The following PLEKHG7 variants were observed in gnomAD, a reference collection of about 807,000 sequenced individuals.
PLEKHG7 encodes the protein pleckstrin homology and RhoGEF domain containing G7.
A neutral mutation model predicts 85.2 loss-of-function variants in PLEKHG7; 77 were observed. The ratio of observed to expected loss-of-function variants is 0.90; its 90% CI spans 0.75 to 1.09. The LOEUF is 1.09. PLEKHG7 is among the 50% of genes least tolerant of loss of function. The probability of loss-of-function intolerance (pLI) is 0.00; values close to 1 mark genes in which losing one functional copy is unlikely to be tolerated. For missense variants in PLEKHG7, 777 were observed against 804.3 expected (o/e 0.97, Z 0.41); for synonymous variants, 301 against 302.4 (o/e 1.00, Z 0.05).
chr12:92,750,027 A>ATT (rs1170350181), intron 10 of PLEKHG7, among the ~76,000 whole-genome samples: 2 of 91,564 alleles, frequency 2.2e-5, no homozygotes, highest in Admixed American at 1.1e-4. Context: ...ATTTTATTTT[A>ATT]TTATTTTATT....
intron 10 of PLEKHG7, among the ~76,000 whole-genome samples, chr12:92,746,879 T>C (rs1171879197): frequency 1.3e-5 from 2 of 151,924 alleles, no homozygotes; most frequent in African/African-American, 4.8e-5. Flanking sequence ...AAAAATCAAA[T>C]AAAAATGAAT....
intron 3 of PLEKHG7, among the ~76,000 whole-genome samples, chr12:92,716,078 G>T (rs563912628): frequency 6.7e-5 from 10 of 150,270 alleles, no homozygotes; most frequent in Admixed American, 2.6e-4. Context: ...TGGTTTTGGG[G>T]TTTTTTTGTT....
At chr12:92,739,489 T>C (rs1872283935) in intron 7 of PLEKHG7, among the ~76,000 whole-genome samples, 1 of 152,240 alleles carries the variant, frequency 6.6e-6, no homozygotes, top group African/African-American at 2.4e-5. Context: ...GCCACCTTCC[T>C]TGTCCTAAGA....
At chr12:92,717,407 C>G (rs1214257557) in intron 3 of PLEKHG7, among the ~76,000 whole-genome samples, 1 of 152,194 alleles carries the variant, frequency 6.6e-6, no homozygotes, top group Non-Finnish European at 1.5e-5. Flanking sequence ...CTACTGGAGT[C>G]AAACTCCCTG....
chr12:92,721,663 T>C (rs1871646086), intron 3 of PLEKHG7: 1 of 301,732 alleles, frequency 3.3e-6, no homozygotes, highest in South Asian at 1.5e-4. Context: ...TTCCAAAGCT[T>C]GTCCTGAAGC....
intron 11 of PLEKHG7, among the ~76,000 whole-genome samples, chr12:92,755,607 A>C (rs1017559518): frequency 6.6e-6 from 1 of 152,206 alleles, no homozygotes; most frequent in Non-Finnish European, 1.5e-5. Flanking sequence ...TACTGAATTA[A>C]ATTAGCTAAG....
At chr12:92,709,091 C>A (rs921980492) in intron 3 of PLEKHG7, among the ~76,000 whole-genome samples, 6 of 152,054 alleles carry the variant, frequency 3.9e-5, no homozygotes, top group Non-Finnish European at 8.8e-5. Flanking sequence ...AGTGTGAAAC[C>A]ATTTGATGAA....
intron 5 of PLEKHG7, among the ~76,000 whole-genome samples, chr12:92,735,843 C>CT (rs151145036): frequency 6.6e-5 from 10 of 151,928 alleles, no homozygotes; most frequent in African/African-American, 1.4e-4. Flanking sequence ...ACATTTCATG[C>CT]TTTTTTTTGT....
chr12:92,722,502 G>A (rs182936506), intron 3 of PLEKHG7, among the ~76,000 whole-genome samples: 21 of 152,266 alleles, frequency 1.4e-4, no homozygotes, highest in African/African-American at 4.8e-4. Flanking sequence ...GCATTAGTGG[G>A]TTTTGAACAC....
chr12:92,715,481 GAAAACAAAAACA>G (rs925621182), intron 3 of PLEKHG7, among the ~76,000 whole-genome samples: 1 of 151,958 alleles, frequency 6.6e-6, no homozygotes, highest in African/African-American at 2.4e-5. Flanking sequence ...AACAAGAACT[GAAAACAAAAACA>G]AAAACAAAAA....
Position 92,741,522 on chromosome 12 carries a change from G to C in PLEKHG7, c.1067G>C (p.Gly356Ala). The C allele has an allele frequency of 1.2e-6, 2 of 1,612,350 alleles. No homozygotes were observed. Among genetic ancestry groups the C allele is most frequent in the African/African-American group, 1.3e-5 (1 of 74,968 alleles). Residue 356 changes from glycine (G) to alanine (A), a missense_variant, in exon 9 of 17, where the codon GGC becomes GCC. Transcript: ENST00000344636. ...CTTGGTTTTGTGAACAGTCTCTTTG[G>C]CATCATCAAGGACTATGTAGACGCT... ...TSLGFVNSLF[G>A]IIKDYVDASE...
intron 4 of PLEKHG7, among the ~76,000 whole-genome samples, chr12:92,731,567 A>G (rs1161370148): frequency 6.6e-6 from 1 of 152,210 alleles, no homozygotes; most frequent in Non-Finnish European, 1.5e-5. Context: ...CTTTATGCAA[A>G]CAGCATAAAA....
intron 13 of PLEKHG7, among the ~76,000 whole-genome samples, chr12:92,758,447 A>G (rs911550422): frequency 1.3e-5 from 2 of 152,200 alleles, no homozygotes; most frequent in African/African-American, 2.4e-5. Context: ...CAAGGAGTCA[A>G]TTTTAGGGTT....
intron 3 of PLEKHG7, among the ~76,000 whole-genome samples, chr12:92,724,191 G>A (rs1240589883): frequency 6.6e-6 from 1 of 152,030 alleles, no homozygotes; most frequent in Non-Finnish European, 1.5e-5. Flanking sequence ...AAAACTTTCT[G>A]GCTGGATTTG....
rs184550979 is a variant in PLEKHG7, at chr12:92,741,479, C to T, written c.1036-12C>T. 1.9e-4 allele frequency: 307 copies of T among 1,594,038 alleles called. No homozygotes were observed. The African/African-American group carries it at 3.7e-3, about 19-fold the overall frequency. Reference sequence around the variant, plus strand: ...GTGTGCCTATTTTTGTTTTCTTTCTCTCTGTCCCTAGACAAGCCTTGGTTT... The same window carrying T: ...GTGTGCCTATTTTTGTTTTCTTTCTTTCTGTCCCTAGACAAGCCTTGGTTT... On this transcript the variant is annotated splice_polypyrimidine_tract_variant and intron_variant, in intron 8 of 16. Transcript: ENST00000344636.
Position 92,767,388 on chromosome 12 carries a change from G to C in PLEKHG7, c.1871-1595G>C, listed in dbSNP as rs569684448. On this transcript the variant is annotated intron_variant, in intron 15 of 16. Coordinates refer to ENST00000344636, the MANE Select transcript of PLEKHG7 (RefSeq NM_001377329.1). ...ACCTGGAAGTACAATTATAGTTTTT[G>C]AGGAAAATGAATTCCAAAAACCAGC... Among the ~76,000 whole-genome samples, 72 of 152,240 alleles carry C rather than the reference G, an allele frequency of 4.7e-4. 1 individual carries two copies. Among genetic ancestry groups the C allele is most frequent in the Non-Finnish European group, 8.8e-5 (6 of 68,024 alleles).
At chr12:92,755,117 C>G (rs1259005874) in intron 11 of PLEKHG7, among the ~76,000 whole-genome samples, 1 of 152,094 alleles carries the variant, frequency 6.6e-6, no homozygotes, top group Non-Finnish European at 1.5e-5. Flanking sequence ...AGGATTATTA[C>G]TCATTTGGAT....
chr12:92,722,271 A>T (rs555325885), intron 3 of PLEKHG7, among the ~76,000 whole-genome samples: 1 of 152,188 alleles, frequency 6.6e-6, no homozygotes, highest in Non-Finnish European at 1.5e-5. Flanking sequence ...GTCCACTGCC[A>T]GGCATGGAAT....
intron 10 of PLEKHG7, among the ~76,000 whole-genome samples, chr12:92,747,427 A>G (rs1250918312): frequency 6.6e-6 from 1 of 152,224 alleles, no homozygotes; most frequent in African/African-American, 2.4e-5. Context: ...TGGCAAGGAT[A>G]TAGAGAAAAG....
Sources: gnomAD v4.1 joint callset for allele counts (sites outside exome capture counted in the v4.1 genomes callset) on GRCh38, gnomAD v4.1.1 for gene constraint, MANE v1.5 for transcripts, NCBI Gene and HGNC (gene_info 2026-07-23, HGNC 2026-07-21) for gene names.